PTPRM: variants seen among roughly 807,000 people sequenced by gnomAD.
PTPRM encodes protein tyrosine phosphatase receptor type M.
In PTPRM, 47 loss-of-function variants were observed where a neutral mutation model predicts 186.7. The observed-to-expected ratio is 0.25, with a 90% CI of 0.20 to 0.32. The LOEUF is 0.32. Among genes scored for constraint, PTPRM ranks in the 10% least tolerant of loss-of-function variants. The pLI is 1.00. For synonymous variants in PTPRM, 668 were observed against 674.9 expected (o/e 0.99, Z 0.16); for missense variants, 1,494 against 1,865.0 (o/e 0.80, Z 3.66).
At chr18:8,056,907 G>C (rs1310778986) in intron 7 of PTPRM, among the ~76,000 whole-genome samples, 1 of 152,068 alleles carries the variant, frequency 6.6e-6, no homozygotes, top group African/African-American at 2.4e-5. Flanking sequence ...TATAGACAAA[G>C]ATGCTGCTCA....
chr18:8,229,002 C>G (rs2094251448), intron 14 of PTPRM, among the ~76,000 whole-genome samples: 1 of 152,074 alleles, frequency 6.6e-6, no homozygotes, highest in African/African-American at 2.4e-5. Flanking sequence ...TGAGAGTCGT[C>G]ACCAAGCCCT....
intron 5 of PTPRM, among the ~76,000 whole-genome samples, chr18:7,941,591 G>A (rs2052179654): frequency 2.0e-5 from 3 of 152,176 alleles, no homozygotes; most frequent in African/African-American, 4.8e-5. Context: ...ATTGTCACCT[G>A]TTCATTTGAG....
chr18:7,803,469 A>G lies in PTPRM; in HGVS notation c.196+29198A>G, dbSNP rs552561267. On this transcript the variant is annotated intron_variant, in intron 2 of 32. Coordinates refer to ENST00000580170, the MANE Select transcript of PTPRM (RefSeq NM_001105244.2). ...CCACCTGGATAATCTCCCCATCTCC[A>G]GGTCAGCTGCTGAGCAACTTTAATT... 4.6e-5 allele frequency among the ~76,000 whole-genome samples: 7 copies of G among 152,280 alleles called. No homozygotes were observed. The South Asian group carries it at 1.4e-3, about 32-fold the overall frequency.
At chr18:7,743,286 C>T (rs921220744) in intron 1 of PTPRM, among the ~76,000 whole-genome samples, 4 of 152,140 alleles carry the variant, frequency 2.6e-5, no homozygotes, top group African/African-American at 7.2e-5. Context: ...GTGAGGATGT[C>T]GTGGAATAAT....
At chr18:8,266,606 A>G (rs1050314030) in intron 19 of PTPRM, among the ~76,000 whole-genome samples, 1 of 152,196 alleles carries the variant, frequency 6.6e-6, no homozygotes, top group African/African-American at 2.4e-5. Flanking sequence ...TTTTATGTCC[A>G]TGATTGAAAT....
chr18:8,300,563 A>G (rs1046221552), intron 20 of PTPRM, among the ~76,000 whole-genome samples: 5 of 151,312 alleles, frequency 3.3e-5, no homozygotes, highest in African/African-American at 7.3e-5. Flanking sequence ...CTGGTAGGTA[A>G]TTCAGGGACC....
intron 11 of PTPRM, among the ~76,000 whole-genome samples, chr18:8,095,830 A>G (rs983411963): frequency 6.6e-6 from 1 of 152,164 alleles, no homozygotes; most frequent in African/African-American, 2.4e-5. Flanking sequence ...TGTCTGGGGT[A>G]TTGTTAAAGT....
intron 7 of PTPRM, among the ~76,000 whole-genome samples, chr18:7,992,276 AT>A (rs1178631728): frequency 6.6e-6 from 1 of 152,162 alleles, no homozygotes; most frequent in East Asian, 1.9e-4. Context: ...TGCCTATATC[AT>A]TCACTTCTTT....
intron 13 of PTPRM, among the ~76,000 whole-genome samples, chr18:8,119,603 T>G (rs140919323): frequency 4.8e-4 from 73 of 152,308 alleles, no homozygotes; most frequent in African/African-American, 1.6e-3. Context: ...CTTTATAATG[T>G]ACATCATGAG....
intron 1 of PTPRM, among the ~76,000 whole-genome samples, chr18:7,617,301 G>A (rs1040876641): frequency 1.8e-4 from 27 of 152,264 alleles, no homozygotes; most frequent in Middle Eastern, 3.4e-3. Context: ...CGATTTGTAG[G>A]TTGAATAATT....
intron 14 of PTPRM, among the ~76,000 whole-genome samples, chr18:8,207,500 G>T (rs76364563): frequency 6.6e-6 from 1 of 152,094 alleles, no homozygotes; most frequent in Non-Finnish European, 1.5e-5. Context: ...ATTAAGTGCG[G>T]TTAGTCATTA....
intron 3 of PTPRM, among the ~76,000 whole-genome samples, chr18:7,904,064 G>A (rs2049848070): frequency 6.6e-6 from 1 of 152,080 alleles, no homozygotes; most frequent in South Asian, 2.1e-4. Flanking sequence ...GAACTAATGA[G>A]ATAATGGAAT....
At chr18:8,124,684 G>A (rs10468654) in intron 13 of PTPRM, among the ~76,000 whole-genome samples, 27,733 of 152,100 alleles carry the variant, frequency 0.18, 2,917 homozygotes, top group African/African-American at 0.28. Context: ...ATTTCAAACC[G>A]TTTCTCACTG....
chr18:7,897,020 C>T (rs916060916), intron 3 of PTPRM, among the ~76,000 whole-genome samples: 1 of 152,158 alleles, frequency 6.6e-6, no homozygotes, highest in South Asian at 2.1e-4. Context: ...CATTTGCTGC[C>T]TAGAGACAGT....
At chr18:8,035,617 C>T (rs888028119) in intron 7 of PTPRM, among the ~76,000 whole-genome samples, 10 of 151,334 alleles carry the variant, frequency 6.6e-5, no homozygotes, top group East Asian at 1.9e-4. Flanking sequence ...TGGTTGAATC[C>T]GCAGATGCAG....
At chr18:8,307,359 G>A (rs2147975407) in intron 20 of PTPRM, among the ~76,000 whole-genome samples, 1 of 152,236 alleles carries the variant, frequency 6.6e-6, no homozygotes, top group East Asian at 1.9e-4. Flanking sequence ...CACCCCAACT[G>A]GACCCTTTCT....
At chr18:8,215,991 C>G (rs1342618484) in intron 14 of PTPRM, among the ~76,000 whole-genome samples, 4 of 152,256 alleles carry the variant, frequency 2.6e-5, no homozygotes, top group Non-Finnish European at 5.9e-5. Flanking sequence ...TAAGCTCTAT[C>G]TGTGATTCCT....
intron 20 of PTPRM, among the ~76,000 whole-genome samples, chr18:8,310,086 C>T (rs1265029023): frequency 6.6e-6 from 1 of 152,144 alleles, no homozygotes; most frequent in African/African-American, 2.4e-5. Flanking sequence ...GCACCATCTT[C>T]TGCCCTTTTT....
chr18:8,143,430 C>T (rs1292332456), intron 13 of PTPRM, among the ~76,000 whole-genome samples: 1 of 152,090 alleles, frequency 6.6e-6, no homozygotes, highest in Non-Finnish European at 1.5e-5. Context: ...GGTGTGCTAT[C>T]CAGCTTGTAT....
Sources: gnomAD v4.1 joint callset for allele counts (sites outside exome capture counted in the v4.1 genomes callset) on GRCh38, gnomAD v4.1.1 for gene constraint, MANE v1.5 for transcripts, NCBI Gene and HGNC (gene_info 2026-07-23, HGNC 2026-07-21) for gene names.